RADIL: variants seen among roughly 807,000 people sequenced by gnomAD.
RADIL encodes ras-associating and dilute domain-containing protein.
RADIL carries 99 observed loss-of-function variants against 97.6 expected under a neutral mutation model. The ratio of observed to expected loss-of-function variants is 1.01; its 90% CI spans 0.86 to 1.20. The LOEUF (loss-of-function observed/expected upper bound fraction) is 1.20, where lower values mean the gene tolerates loss of function less well. RADIL is among the 50% of genes most tolerant of loss of function. The probability of loss-of-function intolerance (pLI) is 0.00; values close to 1 mark genes in which losing one functional copy is unlikely to be tolerated. For missense variants in RADIL, 1,765 were observed against 1,498.9 expected (o/e 1.18, Z -2.93); for synonymous variants, 803 against 691.8 (o/e 1.16, Z -2.52).
In RADIL at chr7:4,815,778, C is replaced by G. The variant is rs888739141; in HGVS notation, c.1967-328G>C. Among the ~76,000 whole-genome samples, 11 of 152,256 alleles carry G rather than the reference C, an allele frequency of 7.2e-5. No homozygotes were observed. In the South Asian group the frequency reaches 1.2e-3, roughly 17 times the overall value. On this transcript the variant is annotated intron_variant, in intron 8 of 14. Transcript: ENST00000399583. This position sits in a 1 kb window ranked among gnomAD's most constrained non-coding sequence, Gnocchi z 8.0. ...TGCCCCCACCTGGGTCTCCCCACGC[C>G]CCACAGTGGCCCTGGCTGGGAGTGG... is the stretch of plus-strand genomic sequence containing the variant.
Position 4,803,613 on chromosome 7 carries a change from C to G in RADIL, c.2432G>C (p.Arg811Pro). 1 of 1,548,858 alleles carries G rather than the reference C, an allele frequency of 6.5e-7. No individual in the cohort carries two copies. The highest frequency in any genetic ancestry group is 8.7e-7 in the Non-Finnish European group (1 of 1,146,876). Residue 811 changes from arginine to proline, a missense_variant, in exon 11 of 15, where the codon CGG becomes CCG. Arg to Pro is a moderately radical substitution (Grantham distance 103). Transcript: ENST00000399583. ...LYVRHFLWGL[R>P]SRASPGSPGR... ...AGGGCTGCCGGGGCTGGCTCTGCTC[C>G]GCAGACCCCACAGAAAGTGGCGGAC...
At chr7:4,799,863 CCGCCTGG>C in intron 13 of RADIL, 94 bp from the exon 14 acceptor site, 1 of 1,425,176 alleles carries the variant, frequency 7.0e-7, no homozygotes, top group Non-Finnish European at 9.2e-7. Context: ...CTACAGGCCC[CCGCCTGG>C]CATCCAGCCA....
rs1784275259 is a variant in RADIL at position 4,872,326 on chromosome 7, C to T, written c.535+5279G>A. 6.6e-6 allele frequency among the ~76,000 whole-genome samples: 1 copy of T among 152,220 alleles called. No individual in the cohort carries two copies. Among genetic ancestry groups the T allele is most frequent in the South Asian group, 2.1e-4 (1 of 4,838 alleles). On this transcript the variant is annotated intron_variant, in intron 2 of 14. Transcript: ENST00000399583. The surrounding 1 kb of genome is among the most constrained non-coding windows in gnomAD (Gnocchi z 5.8). ...TCGCCCTGCAACCACGGACGCCTCC[C>T]TCAGCAAAGATGCCCCAACCTAAAA...
intron 4 of RADIL, among the ~76,000 whole-genome samples, chr7:4,833,068 T>C (rs750485877): frequency 6.6e-6 from 1 of 152,104 alleles, no homozygotes; most frequent in Non-Finnish European, 1.5e-5. Flanking sequence ...TTTCAGAGCC[T>C]GTAGCATAGG....
chr7:4,875,191 CCAACAACAACAACAACAACAA>C lies in RADIL; in HGVS notation c.535+2393_535+2413del, dbSNP rs145735931. On this transcript the variant is annotated intron_variant, in intron 2 of 14. Coordinates refer to ENST00000399583, the MANE Select transcript of RADIL (RefSeq NM_018059.5). ...TGGGCGACAGAGCGAGACTCCATCT[CCAACAACAACAACAACAACAA>C]CAACAACAACAACAACAACAACAAC... 8.1e-4 allele frequency among the ~76,000 whole-genome samples: 89 copies of C among 110,230 alleles called. 2 individuals carry two copies. In the South Asian group the frequency reaches 0.019, roughly 23 times the overall value. The allele number at this position is 110,230 out of a possible 152,430, so 72.3% of individuals were successfully genotyped here.
chr7:4,866,620 T>C (rs1263717648), intron 2 of RADIL, among the ~76,000 whole-genome samples: 7 of 152,218 alleles, frequency 4.6e-5, no homozygotes, highest in Non-Finnish European at 7.3e-5. Flanking sequence ...GCTACAGAGT[T>C]TCTATGGCTG....
chr7:4,864,192 A>G (rs541017639), intron 2 of RADIL, among the ~76,000 whole-genome samples: 10 of 152,248 alleles, frequency 6.6e-5, no homozygotes, highest in Non-Finnish European at 1.5e-4. Context: ...CCAACCCATG[A>G]CCCCAATGAT....
rs1248722079 is a variant in RADIL, at chr7:4,863,211, T to G, written c.535+14394A>C. Among the ~76,000 whole-genome samples, 15 of 152,256 alleles carry G rather than the reference T, an allele frequency of 9.9e-5. 1 individual carries two copies. The highest frequency in any genetic ancestry group is 2.2e-4 in the Non-Finnish European group (15 of 68,048). On this transcript the variant is annotated intron_variant, in intron 2 of 14. Coordinates refer to ENST00000399583, the MANE Select transcript of RADIL (RefSeq NM_018059.5). Reference sequence around the variant, plus strand: ...TCATTGAAATATCCACTTAAATACTTATATTTCACTATTTTGTTCTTTTCC... The same window carrying G: ...TCATTGAAATATCCACTTAAATACTGATATTTCACTATTTTGTTCTTTTCC...
At position 4,816,510 on chromosome 7, in the gene RADIL, G is replaced by A. The variant is rs369478968; in HGVS notation, c.1729-45C>T. 1.7e-4 allele frequency: 253 copies of A among 1,528,886 alleles called. 3 individuals are homozygous for A. In the East Asian group the frequency reaches 3.5e-3, roughly 21 times the overall value. The allele number at this position is 1,528,886 out of a possible 1,614,324, so 94.7% of individuals were successfully genotyped here. ...AACAGCAACCAGCATTTCCAGGAGC[G>A]CTGGCGGCCGAACGGGGGGCCTGAC... On this transcript the variant is annotated intron_variant, in intron 7 of 14. Transcript: ENST00000399583.
In RADIL at chr7:4,821,210, C is replaced by T. The variant is rs1399214924; in HGVS notation, c.1615+1184G>A. 6.6e-6 allele frequency among the ~76,000 whole-genome samples: 1 copy of T among 152,202 alleles called. No individual in the cohort carries two copies. Among genetic ancestry groups the T allele is most frequent in the African/African-American group, 2.4e-5 (1 of 41,458 alleles). On this transcript the variant is annotated intron_variant, in intron 6 of 14. Coordinates refer to ENST00000399583, the MANE Select transcript of RADIL (RefSeq NM_018059.5). The surrounding 1 kb of genome is among the most constrained non-coding windows in gnomAD (Gnocchi z 5.2). ...CCCGGATCCTCCAGAAGCCAGACCG[C>T]CACGCCACGGCCACTCAGGACCCTC...
At position 4,865,824 on chromosome 7, in the gene RADIL, G is replaced by A. The variant is rs1415210030; in HGVS notation, c.535+11781C>T. 10 of 746,390 alleles carry A rather than the reference G, an allele frequency of 1.3e-5. No homozygotes were observed. The East Asian group carries it at 2.5e-4, about 19-fold the overall frequency. 46.2% of individuals were successfully genotyped at this position (746,390 alleles called of 1,614,324 possible). ...CCATGGCAGCAGCGGAGGCAGAAAGGGAGGTGAGTGAACCCCTTTTCTGTG... is the reference window on the plus strand; with the variant it reads ...CCATGGCAGCAGCGGAGGCAGAAAGAGAGGTGAGTGAACCCCTTTTCTGTG... On this transcript the variant is annotated intron_variant, in intron 2 of 14. Coordinates refer to ENST00000399583, the MANE Select transcript of RADIL (RefSeq NM_018059.5).
intron 5 of RADIL, among the ~76,000 whole-genome samples, chr7:4,830,463 C>T (rs756026118): frequency 6.6e-6 from 1 of 152,206 alleles, no homozygotes; most frequent in Admixed American, 6.5e-5. Context: ...AGTGGCGGTG[C>T]ACTACCTTAC....
intron 4 of RADIL, among the ~76,000 whole-genome samples, chr7:4,832,968 T>G (rs1408031334): frequency 6.6e-6 from 1 of 152,008 alleles, no homozygotes; most frequent in Non-Finnish European, 1.5e-5. Flanking sequence ...ATTCCCACAG[T>G]GGGTGCAGGG....
chr7:4,860,054 G>A lies in RADIL; in HGVS notation c.535+17551C>T, dbSNP rs115655712. ...AATACTTTCGTTTAATGCAACCCCT[G>A]AACTTTCATTGGTATTCACCTGTTG... is the stretch of plus-strand genomic sequence containing the variant. On this transcript the variant is annotated intron_variant, in intron 2 of 14. Transcript: ENST00000399583. 764 of 1,614,020 alleles carry A rather than the reference G, an allele frequency of 4.7e-4. 2 individuals carry two copies. In the African/African-American group the frequency reaches 9.6e-3, roughly 20 times the overall value.
Position 4,880,800 on chromosome 7 carries a change from C to T in RADIL, c.-64-2597G>A, listed in dbSNP as rs1286660704. Among the ~76,000 whole-genome samples the T allele has an allele frequency of 2.6e-5, 4 of 152,198 alleles. No individual in the cohort carries two copies. The highest frequency in any genetic ancestry group is 2.9e-5 in the Non-Finnish European group (2 of 68,044). On this transcript the variant is annotated intron_variant, in intron 1 of 14. Coordinates refer to ENST00000399583, the MANE Select transcript of RADIL (RefSeq NM_018059.5). The surrounding 1 kb of genome is among the most constrained non-coding windows in gnomAD (Gnocchi z 4.5). ...ATACCAAAAACTGGGGAAGCCCCCT[C>T]CAGGCAGGAGAAAGCCCATATCACA...
intron 9 of RADIL, among the ~76,000 whole-genome samples, chr7:4,812,314 A>T (rs1036350032): frequency 6.6e-6 from 1 of 152,154 alleles, no homozygotes. Context: ...GTTGGTTATG[A>T]TCTCCTCTTA....
At chr7:4,846,309 G>A (rs946715898) in intron 2 of RADIL, among the ~76,000 whole-genome samples, 4 of 151,694 alleles carry the variant, frequency 2.6e-5, no homozygotes, top group Non-Finnish European at 5.9e-5. Context: ...TCCATGCCCA[G>A]CTAATTTTTA....
chr7:4,832,388 G>A (rs889373804), intron 4 of RADIL, among the ~76,000 whole-genome samples: 7 of 152,214 alleles, frequency 4.6e-5, no homozygotes, highest in African/African-American at 1.4e-4. Flanking sequence ...TGACCTACAA[G>A]TTTGCTACAA....
At position 4,800,198 on chromosome 7, in the gene RADIL, C is replaced by T; in HGVS notation, c.2955G>A (p.Gly985=). The change falls in exon 13 of 15, where the codon GGG becomes GGA. Residue 985 remains glycine, a synonymous_variant. Coordinates refer to ENST00000399583, the MANE Select transcript of RADIL (RefSeq NM_018059.5). ...TCCCGTCGATCAGGCCCATCCCCAGCCCGGAGGGGCCTCGTTCCAGCTCCA... is the reference window on the plus strand; with the variant it reads ...TCCCGTCGATCAGGCCCATCCCCAGTCCGGAGGGGCCTCGTTCCAGCTCCA... ...FTVELERGPS[G]LGMGLIDGMH... is the part of the protein sequence containing the mutation. 1 of 1,608,834 alleles carries T rather than the reference C, an allele frequency of 6.2e-7. No homozygotes were observed. Among genetic ancestry groups the T allele is most frequent in the Non-Finnish European group, 8.5e-7 (1 of 1,178,456 alleles).
Sources: allele counts gnomAD v4.1 joint callset (sites outside exome capture counted in the v4.1 genomes callset), GRCh38; gene constraint gnomAD v4.1.1; non-coding constraint Gnocchi (gnomAD v3.1); transcripts MANE v1.5; gene names NCBI Gene and HGNC (gene_info 2026-07-23, HGNC 2026-07-21).